The following TRIM49C variants were observed in gnomAD, a reference collection of about 807,000 sequenced individuals.
TRIM49C encodes tripartite motif containing 49C, also known as tripartite motif-containing protein 49C.
TRIM49C carries 6 observed loss-of-function variants against 21.4 expected under a neutral mutation model. The observed-to-expected ratio is 0.28, with a 90% CI of 0.15 to 0.55. The LOEUF is 0.55. Among genes scored for constraint, TRIM49C ranks in the 20% least tolerant of loss-of-function variants. The probability of loss-of-function intolerance (pLI) is 0.94; values close to 1 mark genes in which losing one functional copy is unlikely to be tolerated. For missense variants in TRIM49C, 161 were observed against 442.4 expected (o/e 0.36, Z 5.71); for synonymous variants, 57 against 148.1 (o/e 0.38, Z 4.47).
chr11:90,068,617 A>C, the TRIM49C span, among the ~76,000 whole-genome samples: 14 of 143,286 alleles, frequency 9.8e-5, 1 homozygote, highest in Non-Finnish European at 1.8e-4. Context: ...AGAAATGAAC[A>C]AATGAGACGG....
downstream of TRIM49C, among the ~76,000 whole-genome samples, chr11:90,046,596 G>C (rs1457284304): frequency 2.5e-5 from 3 of 121,060 alleles, no homozygotes; most frequent in Non-Finnish European, 5.0e-5. Context: ...TTGTATTTCT[G>C]TGGGATCGGT....
the TRIM49C span, among the ~76,000 whole-genome samples, chr11:90,056,041 C>T: frequency 7.7e-6 from 1 of 130,674 alleles, no homozygotes; most frequent in East Asian, 2.5e-4. Flanking sequence ...TCACTGCAAG[C>T]TCCGCCTCCC....
the TRIM49C span, among the ~76,000 whole-genome samples, chr11:90,070,809 T>TG: frequency 1.1e-4 from 15 of 141,952 alleles, no homozygotes; most frequent in African/African-American, 3.8e-4. Context: ...TTTGTTTGTT[T>TG]GTTTTGAGAC....
At chr11:90,040,929 G>A in intron 7 of TRIM49C, 122 bp from the exon 8 acceptor site, 2 of 1,424,476 alleles carry the variant, frequency 1.4e-6, no homozygotes, top group South Asian at 3.1e-5. Context: ...TTTACTAGAA[G>A]TTACAAGCAA....
chr11:90,062,994 C>G, the TRIM49C span: 4 of 1,316,178 alleles, frequency 3.0e-6, 1 homozygote, highest in Non-Finnish European at 2.0e-6. Context: ...GCATCAGAAT[C>G]CATGTTTCTG....
the TRIM49C span, chr11:90,071,804 C>G: frequency 9.9e-7 from 1 of 1,010,528 alleles, no homozygotes; most frequent in African/African-American, 1.6e-5. Flanking sequence ...GTGAGTGTGG[C>G]CCTCTTGGTG....
the TRIM49C span, chr11:90,071,050 C>G: frequency 2.1e-6 from 1 of 468,006 alleles, no homozygotes; most frequent in African/African-American, 2.0e-5. Flanking sequence ...CCCACCTTGG[C>G]CTCCCAAAGT....
chr11:90,039,405 TG>T (rs968454375), intron 6 of TRIM49C, among the ~76,000 whole-genome samples: 3 of 129,196 alleles, frequency 2.3e-5, no homozygotes, highest in Non-Finnish European at 4.9e-5. Context: ...AAAAATAGAT[TG>T]AAAAAAACTG....
At position 90,036,130 on chromosome 11, in the gene TRIM49C, T is replaced by C. The variant is rs1226282258; in HGVS notation, c.507+147T>C. 6 of 1,098,240 alleles carry C rather than the reference T, an allele frequency of 5.5e-6. 2 individuals are homozygous for C. The highest frequency in any genetic ancestry group is 4.7e-6 in the Non-Finnish European group (4 of 842,526). 68.0% of individuals were successfully genotyped at this position (1,098,240 alleles called of 1,614,324 possible). ...GAGAAAACATTGAGAAAAAGTGGCC[T>C]CATTTTTATACAGAATAGTATGCCT... On this transcript the variant is annotated intron_variant, in intron 4 of 7. Coordinates refer to ENST00000448984, the MANE Select transcript of TRIM49C (RefSeq NM_001195234.1).
chr11:90,073,278 A>G, the TRIM49C span: 1 of 1,066,690 alleles, frequency 9.4e-7, no homozygotes, highest in Non-Finnish European at 1.4e-6. Flanking sequence ...CTTAATTTTG[A>G]AAGTGGAAGT....
chr11:90,045,062 A>G (rs1328623084), downstream of TRIM49C, among the ~76,000 whole-genome samples: 2 of 121,412 alleles, frequency 1.6e-5, no homozygotes, highest in Non-Finnish European at 3.4e-5. Flanking sequence ...TTTTTGTCAG[A>G]TTTGTCAAAG....
chr11:90,047,905 A>G, the TRIM49C span, among the ~76,000 whole-genome samples: 60 of 118,060 alleles, frequency 5.1e-4, no homozygotes, highest in South Asian at 1.3e-3. Context: ...AGTGGCTGGT[A>G]CTGGTTCTTC....
At chr11:90,034,356 T>C (rs1279825456) in intron 2 of TRIM49C, among the ~76,000 whole-genome samples, 2 of 110,518 alleles carry the variant, frequency 1.8e-5, no homozygotes, top group African/African-American at 8.2e-5. Flanking sequence ...ACTAGTTCCC[T>C]AGGTGTTGGT....
chr11:90,049,893 T>C, the TRIM49C span: 38 of 126,516 alleles, frequency 3.0e-4, 12 homozygotes, highest in African/African-American at 1.2e-3. Context: ...TTCGGCCACC[T>C]TGGAACCCAA....
chr11:90,047,908 G>T, the TRIM49C span, among the ~76,000 whole-genome samples: 4 of 120,428 alleles, frequency 3.3e-5, no homozygotes, highest in Admixed American at 9.3e-5. Context: ...GGCTGGTACT[G>T]GTTCTTCCTT....
chr11:90,037,115 A>G (rs1157471604), intron 4 of TRIM49C, among the ~76,000 whole-genome samples: 3 of 135,002 alleles, frequency 2.2e-5, no homozygotes. Context: ...GTGTTTGTAT[A>G]CATATATATG....
the TRIM49C span, chr11:90,053,312 C>G: frequency 6.9e-6 from 1 of 145,092 alleles, no homozygotes; most frequent in Admixed American, 7.4e-5. Flanking sequence ...GGGCTGCGTT[C>G]CCCTCCCTGT....
the TRIM49C span, chr11:90,071,811 G>C: frequency 1.1e-6 from 1 of 949,176 alleles, no homozygotes; most frequent in Admixed American, 2.7e-5. Context: ...TGGCCCTCTT[G>C]GTGGGATCAA....
the TRIM49C span, among the ~76,000 whole-genome samples, chr11:90,069,282 T>G: frequency 7.7e-6 from 1 of 129,176 alleles, no homozygotes; most frequent in African/African-American, 3.1e-5. Context: ...TTTTTTTTTT[T>G]TTTGTATTAT....
Sources: allele counts gnomAD v4.1 joint callset (sites outside exome capture counted in the v4.1 genomes callset), GRCh38; gene constraint gnomAD v4.1.1; transcripts MANE v1.5; gene names NCBI Gene and HGNC (gene_info 2026-07-23, HGNC 2026-07-21).